Variants in CACTIN observed in about 807,000 individuals in gnomAD.
CACTIN encodes splicing factor Cactin.
CACTIN carries 20 observed loss-of-function variants against 84.9 expected under a neutral mutation model. That is an observed-to-expected ratio of 0.24 (90% CI 0.17 to 0.34). The LOEUF (loss-of-function observed/expected upper bound fraction) is 0.34. Ranked by LOEUF, CACTIN falls within the 10% of genes least tolerant of loss-of-function variation. CACTIN has a pLI of 1.00. For synonymous variants in CACTIN, 549 were observed against 467.9 expected (o/e 1.17, Z -2.24); for missense variants, 897 against 1,117.2 (o/e 0.80, Z 2.81).
At chr19:3,624,962 C>G (rs1223347984) in intron 1 of CACTIN, among the ~76,000 whole-genome samples, 1 of 151,802 alleles carries the variant, frequency 6.6e-6, no homozygotes, top group East Asian at 1.9e-4. Context: ...ATGATCAGAG[C>G]TCACTGCAGC....
In CACTIN at chr19:3,613,531, C is replaced by A; in HGVS notation, c.1411G>T (p.Glu471Ter). Residue 471 changes from glutamate (E) to a stop codon, truncating the protein, a stop_gained, in exon 8 of 10, where the codon GAG becomes TAG. Coordinates refer to ENST00000429344, the MANE Select transcript of CACTIN (RefSeq NM_001080543.2). LOFTEE classifies it high-confidence loss of function. ...AGCGGCTCGCTCTCCACGCCCTGCT[C>A]CTGCTTCAGTTTGTACAGCTTCTGC... Reference protein sequence around the residue: ...LRQKLYKLKQEQGVESEPLFP... With the variant: ...LRQKLYKLKQ The A allele has an allele frequency of 6.3e-7, 1 of 1,598,574 alleles. No individual in the cohort carries two copies. Among genetic ancestry groups the A allele is most frequent in the South Asian group, 1.1e-5 (1 of 89,356 alleles).
At chr19:3,614,768 A>G in intron 6 of CACTIN, 179 bp from the exon 7 acceptor site, 1 of 620,854 alleles carries the variant, frequency 1.6e-6, no homozygotes, top group Non-Finnish European at 2.9e-6. Flanking sequence ...GCCACAGCGG[A>G]GGGGAGGGGG....
chr19:3,612,731 A>C, intron 9 of CACTIN: 2 of 694,926 alleles, frequency 2.9e-6, no homozygotes, highest in Non-Finnish European at 5.2e-6. Context: ...ATGACCCCCG[A>C]GGGGGTCCTG....
At chr19:3,620,920 A>G (rs1477156681) in intron 2 of CACTIN, 118 bp from the exon 3 acceptor site, 1 of 769,336 alleles carries the variant, frequency 1.3e-6, no homozygotes, top group African/African-American at 1.7e-5. Context: ...GTGACCTGCC[A>G]GCACTGCACG....
At chr19:3,612,932 C>T (rs1016873431) in intron 9 of CACTIN, 126 bp downstream of exon 9, 3 of 1,176,028 alleles carry the variant, frequency 2.6e-6, no homozygotes, top group African/African-American at 3.0e-5. Flanking sequence ...CTCAGAGACC[C>T]GGGGGAGAAG....
intron 3 of CACTIN, 157 bp from the exon 4 acceptor site, chr19:3,620,429 G>A (rs940266231): frequency 1.1e-6 from 1 of 887,294 alleles, no homozygotes; most frequent in Non-Finnish European, 1.8e-6. Context: ...CTTGGGAAGG[G>A]AGAGGGCCCT....
chr19:3,626,767 T>C lies in CACTIN; in HGVS notation c.-5A>G. ...CGAGCGTGTGTCCCGACCCATCGGC[T>C]GGGCCAGTGGCCGCGGCACCAACAC... On this transcript the variant is annotated 5_prime_UTR_variant, in exon 1 of 10. Coordinates refer to ENST00000429344, the MANE Select transcript of CACTIN (RefSeq NM_001080543.2). 1 of 1,389,924 alleles carries C rather than the reference T, an allele frequency of 7.2e-7. No homozygotes were observed. The highest frequency in any genetic ancestry group is 9.3e-7 in the Non-Finnish European group (1 of 1,070,870). The allele number at this position is 1,389,924 out of a possible 1,614,324, so 86.1% of individuals were successfully genotyped here.
Position 3,614,655 on chromosome 19 carries a change from G to A in CACTIN, c.1163-66C>T, listed in dbSNP as rs968897270. On this transcript the variant is annotated intron_variant, in intron 6 of 9. Transcript: ENST00000429344. ...CCTACGTGCTCCTCCACCCCATCAGGGCCTCCTCCCCTGCCATGGGGGGGT... is the reference window on the plus strand; with the variant it reads ...CCTACGTGCTCCTCCACCCCATCAGAGCCTCCTCCCCTGCCATGGGGGGGT... The A allele has an allele frequency of 4.5e-5, 61 of 1,362,154 alleles. 1 individual carries two copies. The East Asian group carries it at 1.4e-3, about 32-fold the overall frequency. The allele number at this position is 1,362,154 out of a possible 1,614,324, so 84.4% of individuals were successfully genotyped here.
chr19:3,612,341 T>C lies in CACTIN; in HGVS notation c.1859A>G (p.Gln620Arg). The change falls in exon 10 of 10, where the codon CAG (glutamine) becomes CGG (arginine). Residue 620 changes from glutamine to arginine, a missense_variant. Physicochemically the swap from Gln to Arg is conservative, Grantham distance 43 (BLOSUM62 1). Around this residue, in one of 8 missense-constraint regions of CACTIN, gnomAD observed 243 missense variants for 239.9 expected, o/e 1.01. Transcript: ENST00000429344. ...GGTGAGTGGCATCTCCACGCTGAAC[T>C]GCGCCTCGTCCTGGCCCATGCCCTC... ...AKEGMGQDEAQFSVEMPLTGK... is the reference protein window; with the variant it reads ...AKEGMGQDEARFSVEMPLTGK... The C allele has an allele frequency of 1.2e-6, 2 of 1,611,664 alleles. No individual in the cohort carries two copies. Among genetic ancestry groups the C allele is most frequent in the Non-Finnish European group, 1.7e-6 (2 of 1,179,796 alleles).
chr19:3,613,406 G>GC, intron 8 of CACTIN, 41 bp from the exon 9 acceptor site: 1 of 1,537,778 alleles, frequency 6.5e-7, no homozygotes, highest in Non-Finnish European at 8.7e-7. Flanking sequence ...GCTGCCCACG[G>GC]CCCCTCCATC....
At position 3,614,517 on chromosome 19, in the gene CACTIN, T is replaced by C. The variant is rs768608877; in HGVS notation, c.1235A>G (p.Asn412Ser). Residue 412 changes from asparagine (N) to serine (S), a missense_variant, in exon 7 of 10, where the codon AAC (asparagine) becomes AGC (serine). This residue lies in a region of CACTIN where 304 missense variants were observed against 444.3 expected (regional missense o/e 0.68). Transcript: ENST00000429344. ...VQSVFKGKTYNQLQVIFQGIE... is the reference protein window; with the variant it reads ...VQSVFKGKTYSQLQVIFQGIE... ...GCCCTGGAAGATGACCTGCAGCTGG[T>C]TGTATGTCTTCCCCTTGAACACCGA... 1.1e-5 allele frequency: 17 copies of C among 1,608,202 alleles called. No individual in the cohort carries two copies. The highest frequency in any genetic ancestry group is 1.7e-5 in the Admixed American group (1 of 59,224).
rs1392925243 is a variant in CACTIN, at chr19:3,611,194, T to C, written c.*729A>G. 5 of 417,148 alleles carry C rather than the reference T, an allele frequency of 1.2e-5. No homozygotes were observed. In the Admixed American group the frequency reaches 1.4e-4, roughly 12 times the overall value. The allele number at this position is 417,148 out of a possible 1,614,324, so 25.8% of individuals were successfully genotyped here. A position where few individuals can be genotyped will look rare whatever the true frequency, so the allele number is the denominator to read the frequency against. ...CAGTGACTTTTGGTTCCCACGACCT[T>C]GACAGAGACAGGGACCTCGACGCAT... On this transcript the variant is annotated 3_prime_UTR_variant, in exon 10 of 10. Transcript: ENST00000429344.
rs1051475171 is a variant in CACTIN, at chr19:3,615,081, G to A, written c.1163-492C>T. 2.1e-5 allele frequency: 4 copies of A among 189,912 alleles called. No individual in the cohort carries two copies. The highest frequency in any genetic ancestry group is 2.2e-5 in the Non-Finnish European group (2 of 90,404). The allele number at this position is 189,912 out of a possible 1,614,324, so 11.8% of individuals were successfully genotyped here. On this transcript the variant is annotated intron_variant, in intron 6 of 9. Coordinates refer to ENST00000429344, the MANE Select transcript of CACTIN (RefSeq NM_001080543.2). This position sits in a 1 kb window ranked among gnomAD's most constrained non-coding sequence, Gnocchi z 5.2. ...GTGGGCAAGTGGCCTGCCCTTTCTG[G>A]GCCTTAGTTTCCCTCTGTGAAGCCT... is the stretch of plus-strand genomic sequence containing the variant.
At position 3,619,161 on chromosome 19, in the gene CACTIN, C is replaced by A. The variant is rs1359430120; in HGVS notation, c.966G>T (p.Leu322=). 1 of 1,611,896 alleles carries A rather than the reference C, an allele frequency of 6.2e-7. No homozygotes were observed. The highest frequency in any genetic ancestry group is 1.3e-5 in the African/African-American group (1 of 75,006). Reference sequence around the variant, plus strand: ...TGTAGGGCTCATGCATCTCCACGGCCAGATCGTCATCCTCAGCGCTGATGT... The same window carrying A: ...TGTAGGGCTCATGCATCTCCACGGCAAGATCGTCATCCTCAGCGCTGATGT... ...AKYISAEDDD[L]AVEMHEPYTF... The change falls in exon 5 of 10, where the codon CTG becomes CTT. Residue 322 remains leucine, a synonymous_variant. Transcript: ENST00000429344.
At chr19:3,620,942 C>T in intron 2 of CACTIN, 140 bp from the exon 3 acceptor site, 1 of 713,296 alleles carries the variant, frequency 1.4e-6, no homozygotes, top group South Asian at 1.5e-5. Context: ...CTTCCACCCC[C>T]TCCTTAACAC....
In CACTIN at chr19:3,620,282, C is replaced by A. The variant is rs1335985744; in HGVS notation, c.739-10G>T. ...GCCGCAGCTGCTTCACCTGCAGGCA[C>A]AGGAGGCTGAGGGCAGCGGGGACCG... On this transcript the variant is annotated splice_polypyrimidine_tract_variant and intron_variant, in intron 3 of 9. Transcript: ENST00000429344. 1 of 1,557,448 alleles carries A rather than the reference C, an allele frequency of 6.4e-7. No homozygotes were observed. Among genetic ancestry groups the A allele is most frequent in the Non-Finnish European group, 8.6e-7 (1 of 1,157,222 alleles).
chr19:3,623,221 C>G (rs1487399400), intron 2 of CACTIN, among the ~76,000 whole-genome samples: 1 of 151,824 alleles, frequency 6.6e-6, no homozygotes, highest in Admixed American at 6.6e-5. Flanking sequence ...GGTGACAGAG[C>G]GAGACCCTGA....
At chr19:3,618,049 G>A (rs542548478) in intron 6 of CACTIN, among the ~76,000 whole-genome samples, 2 of 152,336 alleles carry the variant, frequency 1.3e-5, no homozygotes, top group African/African-American at 2.4e-5. Context: ...CTGAGAGGGA[G>A]GGCAGGGGAA....
Position 3,615,304 on chromosome 19 carries a change from C to T in CACTIN, c.1163-715G>A, listed in dbSNP as rs1266455635. On this transcript the variant is annotated intron_variant, in intron 6 of 9. Transcript: ENST00000429344. The surrounding 1 kb of genome is among the most constrained non-coding windows in gnomAD (Gnocchi z 5.2). ...GAGTGGGGTGCTGGGAGGCTGGAGC[C>T]TAGCCTGACTCCGCGTGCTCTGCCC... 1.9e-5 allele frequency: 3 copies of T among 155,688 alleles called. No individual in the cohort carries two copies. Among genetic ancestry groups the T allele is most frequent in the Non-Finnish European group, 4.3e-5 (3 of 70,326 alleles). The allele number at this position is 155,688 out of a possible 1,614,324, so 9.6% of individuals were successfully genotyped here.
Sources: gnomAD v4.1 joint callset for allele counts (sites outside exome capture counted in the v4.1 genomes callset) on GRCh38, gnomAD v4.1.1 for gene constraint, gnomAD v4.1.1 regional missense constraint, Gnocchi (gnomAD v3.1) non-coding constraint, MANE v1.5 for transcripts, NCBI Gene and HGNC (gene_info 2026-07-23, HGNC 2026-07-21) for gene names.